HMBOX1: variants seen among roughly 807,000 people sequenced by gnomAD.
HMBOX1 encodes the protein homeobox containing 1.
A neutral mutation model predicts 54.5 loss-of-function variants in HMBOX1; 14 were observed. The ratio of observed to expected loss-of-function variants is 0.26; its 90% CI spans 0.17 to 0.40. The LOEUF (loss-of-function observed/expected upper bound fraction) is 0.40. Ranked by LOEUF, HMBOX1 falls within the 10% of genes least tolerant of loss-of-function variation. The pLI, the probability that HMBOX1 is intolerant of heterozygous loss-of-function variation, is 1.00. For synonymous variants in HMBOX1, 160 were observed against 181.0 expected (o/e 0.88, Z 0.93); for missense variants, 332 against 514.4 (o/e 0.65, Z 3.43).
In HMBOX1 at chr8:28,965,157, C is replaced by A. The variant is rs150658602; in HGVS notation, c.23+1267C>A. 3.0e-3 allele frequency among the ~76,000 whole-genome samples: 464 copies of A among 152,282 alleles called. 1 individual carries two copies. Among genetic ancestry groups the A allele is most frequent in the African/African-American group, 0.011 (440 of 41,570 alleles). On this transcript the variant is annotated intron_variant, in intron 2 of 9. Coordinates refer to ENST00000287701, the MANE Select transcript of HMBOX1 (RefSeq NM_001135726.3). Reference sequence around the variant, plus strand: ...TTGCCTGATTTGTTCCTTGTTGTGTCCTCTGTGCCTTGCACAGGATCTGTT... The same window carrying A: ...TTGCCTGATTTGTTCCTTGTTGTGTACTCTGTGCCTTGCACAGGATCTGTT...
chr8:28,986,917 A>AC (rs1204066373), intron 4 of HMBOX1, among the ~76,000 whole-genome samples: 1 of 152,028 alleles, frequency 6.6e-6, no homozygotes, highest in Non-Finnish European at 1.5e-5. Context: ...ATATTTTCTT[A>AC]CTTTGTTGAC....
At chr8:29,010,563 A>T (rs57485414) in intron 5 of HMBOX1, among the ~76,000 whole-genome samples, 14,102 of 151,682 alleles carry the variant, frequency 0.093, 1,019 homozygotes, top group African/African-American at 0.2. Context: ...TCAAAAAAAA[A>T]ATATATATAT....
chr8:28,972,812 G>A (rs930198553), intron 3 of HMBOX1, among the ~76,000 whole-genome samples: 2 of 152,138 alleles, frequency 1.3e-5, no homozygotes, highest in African/African-American at 2.4e-5. Context: ...TCAAATATAT[G>A]CTCAAAATAA....
intron 1 of HMBOX1, among the ~76,000 whole-genome samples, chr8:28,907,425 C>T (rs1438013945): frequency 6.6e-6 from 1 of 152,192 alleles, no homozygotes; most frequent in Non-Finnish European, 1.5e-5. Context: ...TGCTCAAATA[C>T]TGCTAATTTG....
chr8:28,940,586 A>G (rs902680177), intron 1 of HMBOX1, among the ~76,000 whole-genome samples: 2 of 152,240 alleles, frequency 1.3e-5, no homozygotes, highest in African/African-American at 4.8e-5. Context: ...TTCCTGGAAC[A>G]CAGTTGTTGC....
chr8:28,894,573 G>T (rs1442104002), intron 1 of HMBOX1, among the ~76,000 whole-genome samples: 3 of 152,170 alleles, frequency 2.0e-5, no homozygotes, highest in Non-Finnish European at 4.4e-5. Flanking sequence ...ACGTAGCATG[G>T]ATTCCTAGGT....
chr8:28,946,171 TCGAGCTCC>T (rs1822416749), intron 1 of HMBOX1, among the ~76,000 whole-genome samples: 1 of 151,144 alleles, frequency 6.6e-6, no homozygotes, highest in Non-Finnish European at 1.5e-5. Flanking sequence ...CAGGCTGGTC[TCGAGCTCC>T]TGACCTCAGG....
At position 28,973,801 on chromosome 8, in the gene HMBOX1, G is replaced by C. The variant is rs542289935; in HGVS notation, c.500+3282G>C. ...CCTAATAATTTCGAGATACATAATGGAGTTTTTTTTTTTTTTTTTTTTTTT... is the reference window on the plus strand; with the variant it reads ...CCTAATAATTTCGAGATACATAATGCAGTTTTTTTTTTTTTTTTTTTTTTT... On this transcript the variant is annotated intron_variant, in intron 3 of 9. Transcript: ENST00000287701. Among the ~76,000 whole-genome samples, 53 of 88,922 alleles carry C rather than the reference G, an allele frequency of 6.0e-4. No homozygotes were observed. The Admixed American group carries it at 6.3e-3, about 11-fold the overall frequency. The allele number at this position is 88,922 out of a possible 152,430, so 58.3% of individuals were successfully genotyped here.
chr8:29,001,512 G>A (rs186200726), intron 4 of HMBOX1, among the ~76,000 whole-genome samples: 3 of 151,984 alleles, frequency 2.0e-5, no homozygotes, highest in Non-Finnish European at 2.9e-5. Context: ...ATCATGCCGC[G>A]GCGCTTCAGC....
chr8:29,002,599 A>T (rs1832821209), intron 4 of HMBOX1, among the ~76,000 whole-genome samples: 1 of 152,150 alleles, frequency 6.6e-6, no homozygotes, highest in Admixed American at 6.5e-5. Flanking sequence ...CATCCCAATG[A>T]TACACTGTTT....
At position 29,051,862 on chromosome 8, in the gene HMBOX1, C is replaced by A; in HGVS notation, c.*707C>A. 6.5e-6 allele frequency: 2 copies of A among 308,796 alleles called. No homozygotes were observed. The highest frequency in any genetic ancestry group is 1.5e-4 in the South Asian group (1 of 6,720). The allele number at this position is 308,796 out of a possible 1,614,324, so 19.1% of individuals were successfully genotyped here. ...AAAATACTGCCTTCTGCCTTTGGGA[C>A]CATGATTAAAAACAAAGACAAAAAC... On this transcript the variant is annotated 3_prime_UTR_variant, in exon 10 of 10. Coordinates refer to ENST00000287701, the MANE Select transcript of HMBOX1 (RefSeq NM_001135726.3).
At chr8:28,979,924 T>TATTTTCACA in intron 3 of HMBOX1, 147 bp from the exon 4 acceptor site, 6 of 611,636 alleles carry the variant, frequency 9.8e-6, no homozygotes, top group Non-Finnish European at 1.5e-5. Context: ...TGTAATTTCA[T>TATTTTCACA]ATTTTCACAC....
rs1271733975 is a variant in HMBOX1 at position 29,053,114 on chromosome 8, T to C, written c.*1959T>C. 2 of 152,514 alleles carry C rather than the reference T, an allele frequency of 1.3e-5. No individual in the cohort carries two copies. The highest frequency in any genetic ancestry group is 3.8e-4 in the East Asian group (2 of 5,200). The allele number at this position is 152,514 out of a possible 1,614,324, so 9.4% of individuals were successfully genotyped here. On this transcript the variant is annotated 3_prime_UTR_variant, in exon 10 of 10. Coordinates refer to ENST00000287701, the MANE Select transcript of HMBOX1 (RefSeq NM_001135726.3). Reference sequence around the variant, plus strand: ...CATTTCCTTATCTGTTAATCCTGCTTATGTGAGTGTGAGGAAAGTCTTTGA... The same window carrying C: ...CATTTCCTTATCTGTTAATCCTGCTCATGTGAGTGTGAGGAAAGTCTTTGA...
At chr8:28,895,567 C>T (rs557713513) in intron 1 of HMBOX1, among the ~76,000 whole-genome samples, 147 of 151,806 alleles carry the variant, frequency 9.7e-4, no homozygotes, top group African/African-American at 3.5e-3. Context: ...CCCAGCTACT[C>T]GGGAGGCTGA....
chr8:29,028,862 T>C (rs752767706), intron 6 of HMBOX1, among the ~76,000 whole-genome samples: 1 of 152,230 alleles, frequency 6.6e-6, no homozygotes, highest in Non-Finnish European at 1.5e-5. Context: ...CTGAATAATA[T>C]TAACCTGCCC....
At chr8:29,047,636 T>C (rs1446509273) in intron 8 of HMBOX1, among the ~76,000 whole-genome samples, 183 bp downstream of exon 8, 1 of 151,108 alleles carries the variant, frequency 6.6e-6, no homozygotes, top group African/African-American at 2.4e-5. Context: ...GGCGCGATGT[T>C]GGCTGACTGC....
chr8:28,939,267 C>T (rs896177291), intron 1 of HMBOX1, among the ~76,000 whole-genome samples: 9 of 144,226 alleles, frequency 6.2e-5, no homozygotes, highest in African/African-American at 2.3e-4. Flanking sequence ...CCAGCCTGGG[C>T]AACAAGAGCA....
At chr8:28,929,564 G>C (rs1211954880) in intron 1 of HMBOX1, among the ~76,000 whole-genome samples, 3 of 152,086 alleles carry the variant, frequency 2.0e-5, no homozygotes, top group Non-Finnish European at 2.9e-5. Context: ...ATAGCTTCAA[G>C]GTCTGGCTTT....
intron 6 of HMBOX1, among the ~76,000 whole-genome samples, chr8:29,036,318 A>G (rs907146477): frequency 8.5e-5 from 13 of 152,268 alleles, no homozygotes; most frequent in Admixed American, 7.8e-4. Context: ...AAGTAAAGAA[A>G]AGCATCCTAC....
Sources: allele counts gnomAD v4.1 joint callset (sites outside exome capture counted in the v4.1 genomes callset), GRCh38; gene constraint gnomAD v4.1.1; transcripts MANE v1.5; gene names NCBI Gene and HGNC (gene_info 2026-07-23, HGNC 2026-07-21).